The following FRMD3 variants were observed in gnomAD, a reference collection of about 807,000 sequenced individuals.
The protein encoded by FRMD3 is FERM domain-containing protein 3.
FRMD3 carries 33 observed loss-of-function variants against 70.2 expected under a neutral mutation model. That is an observed-to-expected ratio of 0.47 (90% CI 0.36 to 0.63). FRMD3 has a LOEUF of 0.63. Ranked by LOEUF, FRMD3 falls within the 20% of genes least tolerant of loss-of-function variation. FRMD3 has a pLI of 0.00. For synonymous variants in FRMD3, 279 were observed against 255.9 expected (o/e 1.09, Z -0.86); for missense variants, 632 against 711.4 (o/e 0.89, Z 1.27).
intron 1 of FRMD3, among the ~76,000 whole-genome samples, chr9:83,457,919 T>G (rs763465858): frequency 2.0e-5 from 3 of 150,232 alleles, no homozygotes; most frequent in African/African-American, 4.9e-5. Flanking sequence ...TAATTGTTAT[T>G]CCTCAAGTAT....
At chr9:83,314,266 T>C (rs1447790685) in intron 6 of FRMD3, among the ~76,000 whole-genome samples, 1 of 152,104 alleles carries the variant, frequency 6.6e-6, no homozygotes, top group Admixed American at 6.5e-5. Context: ...CCTAGCACTG[T>C]CCTGCGAGGT....
chr9:83,569,540 T>C, the FRMD3 span, among the ~76,000 whole-genome samples: 48 of 152,196 alleles, frequency 3.2e-4, no homozygotes, highest in African/African-American at 1.1e-3. Flanking sequence ...ATCCTGCCAT[T>C]GACCTCAAAT....
chr9:83,299,018 C>T (rs944681762), intron 11 of FRMD3, 94 bp downstream of exon 11: 7 of 1,039,134 alleles, frequency 6.7e-6, no homozygotes, highest in Non-Finnish European at 1.1e-5. Flanking sequence ...AACAGAGGCA[C>T]AAGCCAAAGG....
the FRMD3 span, among the ~76,000 whole-genome samples, chr9:83,558,942 T>C: frequency 2.0e-5 from 3 of 152,180 alleles, no homozygotes; most frequent in Non-Finnish European, 4.4e-5. Flanking sequence ...ATGAGAAAAC[T>C]TCATTAGATG....
chr9:83,249,254 T>C (rs1832288202), intron 13 of FRMD3, among the ~76,000 whole-genome samples: 4 of 152,200 alleles, frequency 2.6e-5, no homozygotes, highest in African/African-American at 4.8e-5. Flanking sequence ...TTGCTATAGA[T>C]AGATGCTAGA....
chr9:83,354,128 G>A (rs143144054), intron 3 of FRMD3, among the ~76,000 whole-genome samples: 1,673 of 152,202 alleles, frequency 0.011, 42 homozygotes, highest in African/African-American at 0.038. Flanking sequence ...GTTTCACCAC[G>A]TTGGCCAGGC....
intron 6 of FRMD3, among the ~76,000 whole-genome samples, chr9:83,332,452 T>C (rs1823417503): frequency 6.6e-6 from 1 of 152,010 alleles, no homozygotes; most frequent in African/African-American, 2.4e-5. Context: ...TCAGGCCATC[T>C]TGGTCCCACC....
At chr9:83,558,004 G>T in the FRMD3 span, among the ~76,000 whole-genome samples, 1 of 152,274 alleles carries the variant, frequency 6.6e-6, no homozygotes, top group African/African-American at 2.4e-5. Context: ...GGTCCATCTG[G>T]TTTCAGTTTT....
At chr9:83,566,700 AGTGGG>A in the FRMD3 span, among the ~76,000 whole-genome samples, 1 of 152,204 alleles carries the variant, frequency 6.6e-6, no homozygotes, top group African/African-American at 2.4e-5. Flanking sequence ...TCCAAAATCC[AGTGGG>A]GTGGTCAAAT....
At chr9:83,568,577 A>C in the FRMD3 span, among the ~76,000 whole-genome samples, 1 of 152,164 alleles carries the variant, frequency 6.6e-6, no homozygotes, top group African/African-American at 2.4e-5. Flanking sequence ...TCATGTGTGG[A>C]ATCTAAAAGA....
chr9:83,302,475 A>C (rs1834964954), intron 10 of FRMD3, among the ~76,000 whole-genome samples: 1 of 152,178 alleles, frequency 6.6e-6, no homozygotes, highest in Non-Finnish European at 1.5e-5. Context: ...GTTTCTCTAC[A>C]TATTATTAAA....
At chr9:83,311,477 C>A (rs1835353141) in intron 8 of FRMD3, among the ~76,000 whole-genome samples, 1 of 152,140 alleles carries the variant, frequency 6.6e-6, no homozygotes, top group Non-Finnish European at 1.5e-5. Flanking sequence ...CACTGGATAA[C>A]AAAGGGTGAG....
chr9:83,301,158 C>G (rs1043658007), intron 10 of FRMD3, among the ~76,000 whole-genome samples: 1 of 152,160 alleles, frequency 6.6e-6, no homozygotes, highest in Non-Finnish European at 1.5e-5. Flanking sequence ...GGGGGCCCTG[C>G]AGTGTGCTGG....
chr9:83,323,283 T>A (rs1399974968), intron 6 of FRMD3, among the ~76,000 whole-genome samples: 1 of 152,148 alleles, frequency 6.6e-6, no homozygotes, highest in East Asian at 1.9e-4. Context: ...CAAATGTCTA[T>A]CAAGAGTAGA....
chr9:83,376,794 TG>T, intron 2 of FRMD3, among the ~76,000 whole-genome samples: 1 of 152,158 alleles, frequency 6.6e-6, no homozygotes, highest in African/African-American at 2.4e-5. Flanking sequence ...TATGTATATT[TG>T]ATAAAATATA....
In FRMD3 at chr9:83,410,016, C is replaced by T. The variant is rs112835434; in HGVS notation, c.148-20308G>A. 4.5e-3 allele frequency among the ~76,000 whole-genome samples: 682 copies of T among 152,322 alleles called. 3 individuals are homozygous for T. The highest frequency in any genetic ancestry group is 0.016 in the African/African-American group (646 of 41,582). On this transcript the variant is annotated intron_variant, in intron 1 of 13. Coordinates refer to ENST00000304195, the MANE Select transcript of FRMD3 (RefSeq NM_174938.6). ...CCAGCAGCCTTTCCTCCAGGTCAGA[C>T]GACTCCTAATCTTGCTTTCATCAGA...
intron 13 of FRMD3, among the ~76,000 whole-genome samples, chr9:83,274,176 A>T (rs921459164): frequency 3.3e-5 from 5 of 152,038 alleles, no homozygotes; most frequent in African/African-American, 1.2e-4. Context: ...TATGCACAGC[A>T]CTTATTATGA....
At chr9:83,455,024 G>A (rs1375930460) in intron 1 of FRMD3, among the ~76,000 whole-genome samples, 7 of 152,162 alleles carry the variant, frequency 4.6e-5, no homozygotes, top group Middle Eastern at 3.4e-3. Flanking sequence ...AAGAAATACC[G>A]AGTTTGTTAA....
At chr9:83,346,638 T>G (rs1398417119) in intron 4 of FRMD3, among the ~76,000 whole-genome samples, 1 of 152,238 alleles carries the variant, frequency 6.6e-6, no homozygotes, top group Non-Finnish European at 1.5e-5. Context: ...GGCACAAATC[T>G]GTGCACATAC....
Sources: gnomAD v4.1 joint callset for allele counts (sites outside exome capture counted in the v4.1 genomes callset) on GRCh38, gnomAD v4.1.1 for gene constraint, MANE v1.5 for transcripts, NCBI Gene and HGNC (gene_info 2026-07-23, HGNC 2026-07-21) for gene names.